The following CFHR1 variants were observed in gnomAD, a reference collection of about 807,000 sequenced individuals.
CFHR1 encodes the protein complement factor H-related protein 1.
CFHR1 carries 22 observed loss-of-function variants against 30.4 expected under a neutral mutation model. The observed-to-expected ratio is 0.72, with a 90% confidence interval of 0.52 to 1.03. The LOEUF is 1.03. CFHR1 is among the 50% of genes least tolerant of loss of function. The pLI, the probability that CFHR1 is intolerant of heterozygous loss-of-function variation, is 0.00. For missense variants in CFHR1, 248 were observed against 380.6 expected, an observed-to-expected ratio of 0.65 and a Z score of 2.90; for synonymous variants, 95 against 129.1, an observed-to-expected ratio of 0.74 and a Z score of 1.79.
chr1:196,830,351 A>T, intron 4 of CFHR1, 149 bp from the exon 5 acceptor site: 1 of 869,902 alleles, frequency 1.1e-6, no homozygotes. Flanking sequence ...AGTTTAAAGG[A>T]TTAAAATTTC....
In CFHR1 at chr1:196,831,975, G is replaced by A. The variant is rs1655582062; in HGVS notation, c.969G>A (p.Glu323=). The change falls in exon 6 of 6, where the codon GAG becomes GAA. Residue 323 remains glutamate (E), a synonymous_variant. Transcript: ENST00000320493. ...LRTTCWDGKL[E]YPTCAKR Reference sequence around the variant, plus strand: ...CAACATGTTGGGATGGGAAACTGGAGTATCCAACTTGTGCAAAAAGATAGA... The same window carrying A: ...CAACATGTTGGGATGGGAAACTGGAATATCCAACTTGTGCAAAAAGATAGA... 2 of 1,523,898 alleles carry A rather than the reference G, an allele frequency of 1.3e-6. No homozygotes were observed. The highest frequency in any genetic ancestry group is 1.7e-5 in the African/African-American group (1 of 58,510). 94.4% of individuals were successfully genotyped at this position (1,523,898 alleles called of 1,614,324 possible). A position where few individuals can be genotyped will look rare whatever the true frequency, so the allele number is the denominator to read the frequency against.
intron 1 of CFHR1, among the ~76,000 whole-genome samples, chr1:196,823,761 AAATACGTAC>A (rs1265029642): frequency 7.4e-6 from 1 of 135,302 alleles, no homozygotes; most frequent in Non-Finnish European, 1.6e-5. Flanking sequence ...ATCTTGAGCT[AAATACGTAC>A]TCAAAGATAA....
At chr1:196,824,748 G>GAATATATATATATATATATA (rs1553292938) in intron 1 of CFHR1, among the ~76,000 whole-genome samples, 1 of 54,998 alleles carries the variant, frequency 1.8e-5, no homozygotes, top group Non-Finnish European at 3.1e-5. Flanking sequence ...GGGGCTGACT[G>GAATATATATATATATATATA]TATATATATA....
intron 4 of CFHR1, among the ~76,000 whole-genome samples, chr1:196,830,263 C>A (rs1303633836): frequency 7.4e-6 from 1 of 135,100 alleles, no homozygotes; most frequent in Non-Finnish European, 1.6e-5. Flanking sequence ...TAATCCTGAT[C>A]TACCATAAGC....
chr1:196,830,785 C>T lies in CFHR1; in HGVS notation c.790+103C>T. 2.7e-5 allele frequency: 38 copies of T among 1,388,068 alleles called. 15 individuals are homozygous for T. In the South Asian group the frequency reaches 4.9e-4, roughly 18 times the overall value. The allele number at this position is 1,388,068 out of a possible 1,614,324, so 86.0% of individuals were successfully genotyped here. A position where few individuals can be genotyped will look rare whatever the true frequency, so the allele number is the denominator to read the frequency against. On this transcript the variant is annotated intron_variant, in intron 5 of 5. Coordinates refer to ENST00000320493, the MANE Select transcript of CFHR1 (RefSeq NM_002113.3). ...CACAGATTATTGAACAACCATTCTG[C>T]TGAATGCCTGCCTACCAAAAATTTC...
intron 2 of CFHR1, 143 bp from the exon 3 acceptor site, chr1:196,826,686 G>A (rs573513188): frequency 2.6e-6 from 2 of 769,994 alleles, no homozygotes; most frequent in Non-Finnish European, 4.1e-6. Context: ...CTGGCCTCAA[G>A]TGATCCACTC....
Position 196,828,795 on chromosome 1 carries a change from GTTT to G in CFHR1, c.607+562_607+564del, listed in dbSNP as rs61334687. On this transcript the variant is annotated intron_variant, in intron 4 of 5. Coordinates refer to ENST00000320493, the MANE Select transcript of CFHR1 (RefSeq NM_002113.3). ...TGTTTTAAAATTAATGTTGTCCTGT[GTTT>G]TTTTTTTTTTTTCACTATTTTACTT... Among the ~76,000 whole-genome samples the G allele has an allele frequency of 2.3e-3, 265 of 113,368 alleles. 30 individuals carry two copies. The highest frequency in any genetic ancestry group is 0.015 in the East Asian group (71 of 4,620). The allele number at this position is 113,368 out of a possible 152,430, so 74.4% of individuals were successfully genotyped here. A position where few individuals can be genotyped will look rare whatever the true frequency, so the allele number is the denominator to read the frequency against.
intron 4 of CFHR1, among the ~76,000 whole-genome samples, chr1:196,829,031 A>G (rs1323582156): frequency 7.5e-6 from 1 of 133,704 alleles, no homozygotes; most frequent in Non-Finnish European, 1.6e-5. Context: ...CTATTTCCCT[A>G]TTCCTCCATT....
At position 196,831,801 on chromosome 1, in the gene CFHR1, G is replaced by T. The variant is rs766719031; in HGVS notation, c.795G>T (p.Pro265=). The change falls in exon 6 of 6, where the codon CCG becomes CCT. Residue 265 remains proline (P), a synonymous_variant. Coordinates refer to ENST00000320493, the MANE Select transcript of CFHR1 (RefSeq NM_002113.3). The stretch of plus-strand genomic sequence containing the variant: ...TTTACTGTTTTTTATTTTCAGATCC[G>T]TGTGTAATATCCCGAGAAATTATGG... ...QWSEPPKCLH[P]CVISREIMEN... 33 of 1,522,444 alleles carry T rather than the reference G, an allele frequency of 2.2e-5. 7 individuals carry two copies. The highest frequency in any genetic ancestry group is 2.9e-5 in the Non-Finnish European group (33 of 1,126,798). 94.3% of individuals were successfully genotyped at this position (1,522,444 alleles called of 1,614,324 possible).
rs1429929640 is a variant in CFHR1, at chr1:196,824,021, A to T, written c.59-1456A>T. Among the ~76,000 whole-genome samples the T allele has an allele frequency of 5.4e-5, 5 of 92,920 alleles. 1 individual carries two copies. The highest frequency in any genetic ancestry group is 1.0e-4 in the Non-Finnish European group (5 of 47,680). The allele number at this position is 92,920 out of a possible 152,430, so 61.0% of individuals were successfully genotyped here. A position where few individuals can be genotyped will look rare whatever the true frequency, so the allele number is the denominator to read the frequency against. ...GTATGTGTACACAAAAAAAGAGTAA[A>T]AAGTATGAAGATTTCACCCATTTTC... On this transcript the variant is annotated intron_variant, in intron 1 of 5. Transcript: ENST00000320493.
chr1:196,825,398 T>C lies in CFHR1; in HGVS notation c.59-79T>C, dbSNP rs865905058. 1.5e-5 allele frequency: 16 copies of C among 1,063,564 alleles called. 2 individuals carry two copies. The Middle Eastern group carries it at 4.9e-3, about 328-fold the overall frequency. The allele number at this position is 1,063,564 out of a possible 1,614,324, so 65.9% of individuals were successfully genotyped here. On this transcript the variant is annotated intron_variant, in intron 1 of 5. Transcript: ENST00000320493. ...CTAAATGAAAGAAAAACACTATAAG[T>C]GAGATGATTAAAATATAATCTAGTG...
chr1:196,822,312 C>G (rs1655147076), intron 1 of CFHR1, among the ~76,000 whole-genome samples: 1 of 127,094 alleles, frequency 7.9e-6, no homozygotes, highest in South Asian at 2.8e-4. Context: ...TTTGATGCAC[C>G]CAGGATAGAC....
At chr1:196,820,925 C>A (rs1327283789) in intron 1 of CFHR1, 2 of 133,464 alleles carry the variant, frequency 1.5e-5, no homozygotes, top group Non-Finnish European at 3.1e-5. Flanking sequence ...CCACAACTTC[C>A]ATCTCCTGGG....
chr1:196,831,025 G>A (rs1332592989), intron 5 of CFHR1, among the ~76,000 whole-genome samples: 1 of 134,176 alleles, frequency 7.5e-6, no homozygotes, highest in Non-Finnish European at 1.6e-5. Context: ...CCAGCTAGTC[G>A]GGAGTCTGAG....
Position 196,830,513 on chromosome 1 carries a change from A to G in CFHR1, c.621A>G (p.Lys207=). 1 of 1,525,314 alleles carries G rather than the reference A, an allele frequency of 6.6e-7. No homozygotes were observed. The allele number at this position is 1,525,314 out of a possible 1,614,324, so 94.5% of individuals were successfully genotyped here. The part of the protein sequence containing the change: ...EPPQCKDSTG[K]CGPPPPIDNG... ...GATGTTTTTTAGATTCTACGGGAAA[A>G]TGTGGGCCCCCTCCACCTATTGACA... The change falls in exon 5 of 6, where the codon AAA becomes AAG. Residue 207 remains lysine (K), a synonymous_variant. Coordinates refer to ENST00000320493, the MANE Select transcript of CFHR1 (RefSeq NM_002113.3).
chr1:196,826,768 T>G, intron 2 of CFHR1, 61 bp from the exon 3 acceptor site: 1 of 1,365,324 alleles, frequency 7.3e-7, no homozygotes, highest in Non-Finnish European at 1.0e-6. Context: ...TATTTTAAAA[T>G]GCAGTTGTAC....
intron 1 of CFHR1, among the ~76,000 whole-genome samples, chr1:196,822,818 C>T (rs1334441236): frequency 7.4e-6 from 1 of 134,870 alleles, no homozygotes; most frequent in Non-Finnish European, 1.6e-5. Context: ...ATACATTAAC[C>T]AGTAACACTT....
intron 1 of CFHR1, among the ~76,000 whole-genome samples, chr1:196,820,647 T>G (rs1396941882): frequency 7.9e-6 from 1 of 126,760 alleles, no homozygotes; most frequent in Admixed American, 7.8e-5. Flanking sequence ...GTTTCGATCA[T>G]TATGCTTTAC....
intron 5 of CFHR1, 132 bp downstream of exon 5, chr1:196,830,814 T>C (rs1655525267): frequency 8.0e-7 from 1 of 1,257,346 alleles, no homozygotes; most frequent in East Asian, 2.4e-5. Context: ...AAATTTCTTT[T>C]AGAAAGTAAA....
Sources: gnomAD v4.1 joint callset for allele counts (sites outside exome capture counted in the v4.1 genomes callset) on GRCh38, gnomAD v4.1.1 for gene constraint, MANE v1.5 for transcripts, NCBI Gene and HGNC (gene_info 2026-07-23, HGNC 2026-07-21) for gene names.